The following CFAP61 variants were observed in gnomAD, a reference collection of about 807,000 sequenced individuals.
CFAP61 encodes cilia and flagella associated protein 61, also known as cilia- and flagella-associated protein 61.
In CFAP61, 107 loss-of-function variants were observed where a neutral mutation model predicts 135.6. The observed-to-expected ratio is 0.79, with a 90% CI of 0.67 to 0.93. The LOEUF is 0.93. Ranked by LOEUF, CFAP61 falls within the 40% of genes least tolerant of loss-of-function variation. CFAP61 has a pLI of 0.00. For missense variants in CFAP61, 1,507 were observed against 1,556.2 expected (o/e 0.97, Z 0.53); for synonymous variants, 575 against 578.5 (o/e 0.99, Z 0.09).
chr20:20,332,424 T>C (rs1236554541), intron 25 of CFAP61, among the ~76,000 whole-genome samples: 3 of 152,226 alleles, frequency 2.0e-5, no homozygotes, highest in African/African-American at 7.2e-5. Flanking sequence ...TTTTCCCAAC[T>C]GCCATCTCAA....
At position 20,056,806 on chromosome 20, in the gene CFAP61, T is replaced by C. The variant is rs554645303; in HGVS notation, c.143+10T>C. On this transcript the variant is annotated intron_variant, in intron 2 of 26. Coordinates refer to ENST00000245957, the MANE Select transcript of CFAP61 (RefSeq NM_015585.4). ...ATATCATCTATCTTCTGTAAGTAGA[T>C]AACTAAGTTCAAGAATGTTCATCAA... 1 of 1,613,520 alleles carries C rather than the reference T, an allele frequency of 6.2e-7. No individual in the cohort carries two copies. The highest frequency in any genetic ancestry group is 8.5e-7 in the Non-Finnish European group (1 of 1,179,716).
At position 20,175,618 on chromosome 20, in the gene CFAP61, C is replaced by T. The variant is rs147420248; in HGVS notation, c.1385+6158C>T. Among the ~76,000 whole-genome samples, 611 of 152,162 alleles carry T rather than the reference C, an allele frequency of 4.0e-3. 6 individuals are homozygous for T. The highest frequency in any genetic ancestry group is 0.014 in the African/African-American group (574 of 41,492). On this transcript the variant is annotated intron_variant, in intron 13 of 26. Coordinates refer to ENST00000245957, the MANE Select transcript of CFAP61 (RefSeq NM_015585.4). ...TTGGCTCACTGCAAGCTCTGACTCC[C>T]AGGTTTCACGCCATTCTCCTGCCTC...
chr20:20,222,873 G>C (rs537671136), intron 17 of CFAP61, among the ~76,000 whole-genome samples: 4 of 152,162 alleles, frequency 2.6e-5, no homozygotes, highest in Non-Finnish European at 4.4e-5. Context: ...TTGGGAAAAC[G>C]AGAGTTTCTC....
rs145970640 is a variant in CFAP61, at chr20:20,144,029, A to C, written c.951+1081A>C. 2.6e-3 allele frequency among the ~76,000 whole-genome samples: 399 copies of C among 152,336 alleles called. 2 individuals carry two copies. The highest frequency in any genetic ancestry group is 9.4e-3 in the African/African-American group (392 of 41,566). ...TACACAAAAGAGTCTTGTGGAGAAT[A>C]ATTAGTTCTAGAGAGGGCACCGCTC... is the stretch of plus-strand genomic sequence containing the variant. On this transcript the variant is annotated intron_variant, in intron 9 of 26. Transcript: ENST00000245957.
chr20:20,193,788 AT>A (rs1411746138), intron 15 of CFAP61, among the ~76,000 whole-genome samples: 5 of 151,876 alleles, frequency 3.3e-5, no homozygotes, highest in Non-Finnish European at 7.4e-5. Flanking sequence ...TAATTTTTGT[AT>A]TTTTAGTAGA....
At chr20:20,319,567 A>G (rs1001428387) in intron 25 of CFAP61, among the ~76,000 whole-genome samples, 8 of 152,200 alleles carry the variant, frequency 5.3e-5, no homozygotes, top group Non-Finnish European at 1.2e-4. Flanking sequence ...CTGGCCATGT[A>G]AGACATGCCT....
At chr20:20,099,151 A>ACACT (rs1482225003) in intron 8 of CFAP61, among the ~76,000 whole-genome samples, 1 of 151,974 alleles carries the variant, frequency 6.6e-6, no homozygotes, top group Non-Finnish European at 1.5e-5. Flanking sequence ...ACACACACAC[A>ACACT]CACAACCAAA....
At chr20:20,135,748 C>G (rs2050877724) in intron 8 of CFAP61, among the ~76,000 whole-genome samples, 1 of 152,114 alleles carries the variant, frequency 6.6e-6, no homozygotes, top group Admixed American at 6.6e-5. Flanking sequence ...ATCTTTTCAT[C>G]TTTCTACTTA....
intron 4 of CFAP61, among the ~76,000 whole-genome samples, chr20:20,074,660 C>T (rs1486353909): frequency 1.3e-5 from 2 of 152,154 alleles, no homozygotes; most frequent in Non-Finnish European, 2.9e-5. Context: ...AATTAAGTGT[C>T]GCAAGCTTGG....
chr20:20,058,491 A>T (rs1249209565), intron 2 of CFAP61, among the ~76,000 whole-genome samples: 1 of 152,236 alleles, frequency 6.6e-6, no homozygotes, highest in Non-Finnish European at 1.5e-5. Context: ...TTTGCAAAGA[A>T]TGGAAGATAA....
At chr20:20,166,367 C>T (rs1422099386) in intron 11 of CFAP61, 30 bp from the exon 12 acceptor site, 1 of 1,603,524 alleles carries the variant, frequency 6.2e-7, no homozygotes. Context: ...GCTTGCAGGG[C>T]ACTGACAGTG....
At chr20:20,085,463 G>A (rs754173817) in intron 6 of CFAP61, 7 of 1,366,380 alleles carry the variant, frequency 5.1e-6, no homozygotes, top group Non-Finnish European at 6.9e-6. Flanking sequence ...TTGGGAAAGG[G>A]CTTAAGAGAG....
intron 9 of CFAP61, among the ~76,000 whole-genome samples, chr20:20,152,686 A>T (rs1259080335): frequency 4.0e-5 from 6 of 150,278 alleles, no homozygotes; most frequent in Non-Finnish European, 9.0e-5. Flanking sequence ...TCCTAAATAT[A>T]TATGCACCTA....
At chr20:20,343,661 G>A (rs6132290) in intron 26 of CFAP61, among the ~76,000 whole-genome samples, 14,002 of 152,142 alleles carry the variant, frequency 0.092, 839 homozygotes, top group East Asian at 0.23. Context: ...AATGTCATCC[G>A]CAGCTTCCTA....
chr20:20,179,035 T>A (rs1311451173), intron 13 of CFAP61, among the ~76,000 whole-genome samples: 2 of 152,104 alleles, frequency 1.3e-5, no homozygotes, highest in Non-Finnish European at 2.9e-5. Context: ...AAAATTTCCC[T>A]ATTTTCTGCA....
chr20:20,268,836 T>TA (rs975930651), intron 21 of CFAP61, among the ~76,000 whole-genome samples: 2 of 151,866 alleles, frequency 1.3e-5, no homozygotes, highest in Admixed American at 1.3e-4. Flanking sequence ...GAAAGTAAAG[T>TA]AAAAAAAATA....
Position 20,275,225 on chromosome 20 carries a change from G to A in CFAP61, c.2504-1941G>A, listed in dbSNP as rs547410932. 2.6e-5 allele frequency among the ~76,000 whole-genome samples: 4 copies of A among 152,322 alleles called. No individual in the cohort carries two copies. In the East Asian group the frequency reaches 7.7e-4, roughly 29 times the overall value. On this transcript the variant is annotated intron_variant, in intron 21 of 26. Coordinates refer to ENST00000245957, the MANE Select transcript of CFAP61 (RefSeq NM_015585.4). Reference sequence around the variant, plus strand: ...TGCAAACAAACCCAGCCACAACCTAGAGCCAGATCAGCTGACATCAGTCCA... The same window carrying A: ...TGCAAACAAACCCAGCCACAACCTAAAGCCAGATCAGCTGACATCAGTCCA...
At chr20:20,287,491 T>C (rs1363580958) in intron 22 of CFAP61, among the ~76,000 whole-genome samples, 1 of 152,212 alleles carries the variant, frequency 6.6e-6, no homozygotes, top group East Asian at 1.9e-4. Flanking sequence ...TTAATTTAGA[T>C]GTAAATATTT....
At chr20:20,121,405 A>G (rs73605589) in intron 8 of CFAP61, among the ~76,000 whole-genome samples, 14,976 of 152,036 alleles carry the variant, frequency 0.099, 1,553 homozygotes, top group East Asian at 0.6. Context: ...TGCCGTGCTC[A>G]ACACTCTATG....
Sources: gnomAD v4.1 joint callset for allele counts (sites outside exome capture counted in the v4.1 genomes callset) on GRCh38, gnomAD v4.1.1 for gene constraint, MANE v1.5 for transcripts, NCBI Gene and HGNC (gene_info 2026-07-23, HGNC 2026-07-21) for gene names.